The following AGPAT3 variants were observed in gnomAD, a reference collection of about 807,000 sequenced individuals.
AGPAT3 encodes 1-acylglycerol-3-phosphate O-acyltransferase 3, also known as 1-acyl-sn-glycerol-3-phosphate acyltransferase gamma.
Under a neutral mutation model 47.3 loss-of-function variants are expected in AGPAT3, and 5 were observed. The observed-to-expected ratio is 0.11, with a 90% CI of 0.06 to 0.22. AGPAT3 has a LOEUF of 0.22. Ranked by LOEUF, AGPAT3 falls within the 10% of genes least tolerant of loss-of-function variation. The pLI, the probability that AGPAT3 is intolerant of heterozygous loss-of-function variation, is 1.00. For synonymous variants in AGPAT3, 212 were observed against 208.3 expected (o/e 1.02, Z -0.15); for missense variants, 315 against 493.0 (o/e 0.64, Z 3.42).
chr21:43,964,480 G>T (rs2089028738), intron 3 of AGPAT3, among the ~76,000 whole-genome samples: 1 of 152,008 alleles, frequency 6.6e-6, no homozygotes, highest in Non-Finnish European at 1.5e-5. Flanking sequence ...ACAGGCGGGA[G>T]CGCCCAGCCC....
At chr21:43,925,701 G>C (rs944544571) in intron 2 of AGPAT3, among the ~76,000 whole-genome samples, 1 of 152,204 alleles carries the variant, frequency 6.6e-6, no homozygotes, top group Non-Finnish European at 1.5e-5. Flanking sequence ...GTGGCTTGTT[G>C]CCCCTGCACC....
intron 1 of AGPAT3, among the ~76,000 whole-genome samples, chr21:43,876,961 T>C (rs1358683612): frequency 2.0e-5 from 3 of 152,026 alleles, no homozygotes; most frequent in Non-Finnish European, 2.9e-5. Flanking sequence ...AGGGCTCAAG[T>C]GATTCTTGTG....
chr21:43,964,577 T>G (rs1445299438), intron 3 of AGPAT3, among the ~76,000 whole-genome samples: 3 of 151,350 alleles, frequency 2.0e-5, no homozygotes, highest in Non-Finnish European at 4.4e-5. Flanking sequence ...TAGAAAAAGA[T>G]AAAGAAAAAA....
intron 2 of AGPAT3, among the ~76,000 whole-genome samples, chr21:43,931,265 G>A (rs77817180): frequency 0.021 from 3,166 of 152,266 alleles, 52 homozygotes; most frequent in Non-Finnish European, 0.033. Flanking sequence ...GGGTGAGGGA[G>A]GTTAATCACA....
chr21:43,885,833 G>A (rs1316520733), intron 1 of AGPAT3, among the ~76,000 whole-genome samples: 1 of 78,614 alleles, frequency 1.3e-5, no homozygotes, highest in Non-Finnish European at 3.2e-5. Flanking sequence ...GTGTGCAGGT[G>A]CGCAGGTGCG....
At chr21:43,951,691 G>A (rs114717414) in intron 2 of AGPAT3, among the ~76,000 whole-genome samples, 41 of 152,294 alleles carry the variant, frequency 2.7e-4, no homozygotes, top group African/African-American at 7.9e-4. Flanking sequence ...GGATTTCAGC[G>A]CTGGTGACAG....
rs2085843526 is a variant in AGPAT3 at position 43,880,967 on chromosome 21, G to A, written c.-112+15622G>A. Among the ~76,000 whole-genome samples the A allele has an allele frequency of 2.6e-5, 4 of 152,230 alleles. No individual in the cohort carries two copies. The South Asian group carries it at 8.3e-4, about 32-fold the overall frequency. On this transcript the variant is annotated intron_variant, in intron 1 of 9. Coordinates refer to ENST00000291572, the MANE Select transcript of AGPAT3 (RefSeq NM_020132.5). The surrounding 1 kb of genome is among the most constrained non-coding windows in gnomAD (Gnocchi z 4.5). Reference sequence around the variant, plus strand: ...TTGGTCATTCTTAATGCCAGGGAGGGGGAAGAGAGAGAAAATGAGAGAGAA... The same window carrying A: ...TTGGTCATTCTTAATGCCAGGGAGGAGGAAGAGAGAGAAAATGAGAGAGAA...
At chr21:43,881,876 C>T (rs997507491) in intron 1 of AGPAT3, among the ~76,000 whole-genome samples, 1 of 152,202 alleles carries the variant, frequency 6.6e-6, no homozygotes, top group Non-Finnish European at 1.5e-5. Context: ...AGGCTGGTCT[C>T]GAACTCCTGA....
In AGPAT3 at chr21:43,934,061, G is replaced by A. The variant is rs2087350251; in HGVS notation, c.-48-25573G>A. ...TACCAGGGCAGGGGCAGTGGAGCAG[G>A]TGTCTGCCCTACATTGCTCATCCTT... On this transcript the variant is annotated intron_variant, in intron 2 of 9. Coordinates refer to ENST00000291572, the MANE Select transcript of AGPAT3 (RefSeq NM_020132.5). This position sits in a 1 kb window ranked among gnomAD's most constrained non-coding sequence, Gnocchi z 4.7. Among the ~76,000 whole-genome samples the A allele has an allele frequency of 6.6e-6, 1 of 152,236 alleles. No individual in the cohort carries two copies. The highest frequency in any genetic ancestry group is 2.4e-5 in the African/African-American group (1 of 41,460).
chr21:43,910,003 G>T (rs906936828), intron 2 of AGPAT3, among the ~76,000 whole-genome samples: 6 of 152,158 alleles, frequency 3.9e-5, no homozygotes, highest in African/African-American at 1.4e-4. Flanking sequence ...GACCTAGGAC[G>T]CATCCTGGGG....
At position 43,933,741 on chromosome 21, in the gene AGPAT3, C is replaced by T. The variant is rs979507864; in HGVS notation, c.-48-25893C>T. Among the ~76,000 whole-genome samples the T allele has an allele frequency of 2.0e-5, 3 of 151,670 alleles. No homozygotes were observed. The highest frequency in any genetic ancestry group is 6.6e-5 in the Admixed American group (1 of 15,218). On this transcript the variant is annotated intron_variant, in intron 2 of 9. Coordinates refer to ENST00000291572, the MANE Select transcript of AGPAT3 (RefSeq NM_020132.5). The surrounding 1 kb of genome is among the most constrained non-coding windows in gnomAD (Gnocchi z 6.0). ...GGGGAGAGTCAGGAGAGAAGGACGC[C>T]GCATACCAGATGCCCAGAGGCCCCG...
At chr21:43,971,939 G>A (rs1471659907) in intron 7 of AGPAT3, among the ~76,000 whole-genome samples, 1 of 152,140 alleles carries the variant, frequency 6.6e-6, no homozygotes, top group Admixed American at 6.5e-5. Flanking sequence ...ACGACCTGGG[G>A]GGCATACGGT....
At chr21:43,975,136 TGTG>T (rs1297786665) in intron 7 of AGPAT3, among the ~76,000 whole-genome samples, 2 of 151,848 alleles carry the variant, frequency 1.3e-5, no homozygotes, top group African/African-American at 2.4e-5. Flanking sequence ...TGTGCTGGCA[TGTG>T]GTATGTGTCG....
chr21:43,936,719 T>C (rs1472476157), intron 2 of AGPAT3, among the ~76,000 whole-genome samples: 1 of 152,100 alleles, frequency 6.6e-6, no homozygotes, highest in Non-Finnish European at 1.5e-5. Context: ...CGACCGCAGC[T>C]CTTGGATGGA....
chr21:43,974,951 T>A (rs2089548901), intron 7 of AGPAT3, among the ~76,000 whole-genome samples: 1 of 152,266 alleles, frequency 6.6e-6, no homozygotes, highest in Admixed American at 6.5e-5. Flanking sequence ...TTCATAGCCA[T>A]CTGCTCACCA....
intron 1 of AGPAT3, among the ~76,000 whole-genome samples, chr21:43,902,015 A>G (rs1200639582): frequency 6.6e-6 from 1 of 152,224 alleles, no homozygotes. Flanking sequence ...CCTGAAGACA[A>G]TAATGGCTAG....
intron 2 of AGPAT3, among the ~76,000 whole-genome samples, chr21:43,915,803 T>A (rs578138046): frequency 1.1e-4 from 17 of 152,266 alleles, no homozygotes; most frequent in South Asian, 4.1e-4. Context: ...TTAAAAAAAA[T>A]TTTTTTCCTT....
intron 1 of AGPAT3, among the ~76,000 whole-genome samples, chr21:43,886,954 A>G (rs1275865878): frequency 6.6e-6 from 1 of 152,208 alleles, no homozygotes; most frequent in African/African-American, 2.4e-5. Context: ...TTTTGGGTAT[A>G]TACCTAAGAG....
intron 1 of AGPAT3, among the ~76,000 whole-genome samples, chr21:43,900,176 C>T (rs558868945): frequency 2.6e-5 from 4 of 152,262 alleles, no homozygotes; most frequent in African/African-American, 7.2e-5. Context: ...AGCTGAGGTT[C>T]CACTTTAGAC....
Sources: allele counts gnomAD v4.1 joint callset (sites outside exome capture counted in the v4.1 genomes callset), GRCh38; gene constraint gnomAD v4.1.1; non-coding constraint Gnocchi (gnomAD v3.1); transcripts MANE v1.5; gene names NCBI Gene and HGNC (gene_info 2026-07-23, HGNC 2026-07-21).